DPY19L2: variants seen among roughly 807,000 people sequenced by gnomAD.
DPY19L2 encodes the protein dpy-19 like 2, also known as probable C-mannosyltransferase DPY19L2.
DPY19L2 carries 34 observed loss-of-function variants against 97.9 expected under a neutral mutation model. The observed-to-expected ratio is 0.35, with a 90% CI of 0.26 to 0.46. DPY19L2 has a LOEUF of 0.46. DPY19L2 is among the 20% of genes least tolerant of loss of function. The pLI is 1.00. For synonymous variants in DPY19L2, 230 were observed against 307.9 expected, an observed-to-expected ratio of 0.75 and a Z score of 2.65; for missense variants, 623 against 911.4, an observed-to-expected ratio of 0.68 and a Z score of 4.07.
At chr12:63,635,011 C>T (rs1891406010) in intron 6 of DPY19L2, among the ~76,000 whole-genome samples, 1 of 152,200 alleles carries the variant, frequency 6.6e-6, no homozygotes, top group Admixed American at 6.5e-5. Context: ...CTCCGAGTAG[C>T]ATAACTGGGA....
At chr12:63,648,938 C>T (rs1893804164) in intron 4 of DPY19L2, among the ~76,000 whole-genome samples, 2 of 151,904 alleles carry the variant, frequency 1.3e-5, no homozygotes, top group African/African-American at 4.8e-5. Context: ...CTCTAATGAG[C>T]ATGCTTAAAA....
chr12:63,561,701 T>A (rs1199217619), intron 21 of DPY19L2, among the ~76,000 whole-genome samples: 36 of 151,522 alleles, frequency 2.4e-4, no homozygotes, highest in Admixed American at 2.1e-3. Context: ...TTTGAGATGT[T>A]TTGAGTTTTT....
rs189892190 is a variant in DPY19L2 at position 63,640,756 on chromosome 12, C to T, written c.803+3647G>A. 4.2e-3 allele frequency among the ~76,000 whole-genome samples: 645 copies of T among 152,188 alleles called. 10 individuals are homozygous for T. Among genetic ancestry groups the T allele is most frequent in the African/African-American group, 0.015 (609 of 41,526 alleles). ...CAATTTAGAGAGACTAGCACCTCTT[C>T]GGTAGCCCTCCTAATGAAATATACT... On this transcript the variant is annotated intron_variant, in intron 6 of 21. Coordinates refer to ENST00000324472, the MANE Select transcript of DPY19L2 (RefSeq NM_173812.5).
At chr12:63,663,953 A>T (rs1896014305) in intron 2 of DPY19L2, 108 bp from the exon 3 acceptor site, 5 of 687,880 alleles carry the variant, frequency 7.3e-6, no homozygotes, top group Non-Finnish European at 9.4e-6. Context: ...TGTTATATTA[A>T]TTTTATAATT....
In DPY19L2 at chr12:63,614,021, C is replaced by T. The variant is rs1175065032; in HGVS notation, c.1218+3283G>A. Among the ~76,000 whole-genome samples the T allele has an allele frequency of 2.6e-5, 4 of 151,742 alleles. No individual in the cohort carries two copies. The East Asian group carries it at 5.8e-4, about 22-fold the overall frequency. On this transcript the variant is annotated intron_variant, in intron 11 of 21. Coordinates refer to ENST00000324472, the MANE Select transcript of DPY19L2 (RefSeq NM_173812.5). ...CCTGGCCAACATGGTGACACCCCGTCTCTACTAAAAATACAAAAATTAGCT... is the reference window on the plus strand; with the variant it reads ...CCTGGCCAACATGGTGACACCCCGTTTCTACTAAAAATACAAAAATTAGCT...
chr12:63,610,075 C>T (rs12322806), intron 11 of DPY19L2, among the ~76,000 whole-genome samples: 2,376 of 142,682 alleles, frequency 0.017, 71 homozygotes, highest in African/African-American at 0.059. Flanking sequence ...AACTGATATT[C>T]AGGATAGGTT....
At chr12:63,656,364 T>C (rs1275969955) in intron 4 of DPY19L2, among the ~76,000 whole-genome samples, 1 of 152,176 alleles carries the variant, frequency 6.6e-6, no homozygotes, top group African/African-American at 2.4e-5. Context: ...CCTAGTCTAT[T>C]CATTCTGTTA....
At chr12:63,581,878 G>C (rs574548733) in intron 18 of DPY19L2, among the ~76,000 whole-genome samples, 12 of 147,996 alleles carry the variant, frequency 8.1e-5, no homozygotes, top group Non-Finnish European at 8.9e-5. Flanking sequence ...TTGGCTGACT[G>C]TAGCCTCTGC....
chr12:63,625,343 G>C (rs1889353085), intron 7 of DPY19L2, among the ~76,000 whole-genome samples: 1 of 151,548 alleles, frequency 6.6e-6, no homozygotes, highest in African/African-American at 2.4e-5. Flanking sequence ...GTTGCAGTGA[G>C]CTGAGATCAC....
chr12:63,601,787 A>G (rs1449922048), intron 12 of DPY19L2, among the ~76,000 whole-genome samples: 1 of 152,118 alleles, frequency 6.6e-6, no homozygotes, highest in African/African-American at 2.4e-5. Context: ...AAGGAGGATA[A>G]AAAGGGGAGT....
chr12:63,580,995 G>A (rs1222716046), intron 18 of DPY19L2, among the ~76,000 whole-genome samples, 159 bp from the exon 19 acceptor site: 11 of 152,098 alleles, frequency 7.2e-5, no homozygotes, highest in African/African-American at 9.7e-5. Context: ...CTAAAGCAAC[G>A]AATATATTGG....
chr12:63,636,876 C>T (rs572920927), intron 6 of DPY19L2, among the ~76,000 whole-genome samples: 9 of 152,044 alleles, frequency 5.9e-5, no homozygotes, highest in Non-Finnish European at 1.2e-4. Context: ...GACAGATCAA[C>T]GAGACAGAAA....
At chr12:63,644,242 T>C (rs12227653) in intron 6 of DPY19L2, among the ~76,000 whole-genome samples, 161 bp downstream of exon 6, 30,115 of 151,898 alleles carry the variant, frequency 0.2, 3,350 homozygotes, top group East Asian at 0.43. Flanking sequence ...CTCCAGTTTC[T>C]GGTTACATGA....
At position 63,668,177 on chromosome 12, in the gene DPY19L2, C is replaced by T; in HGVS notation, c.217G>A (p.Val73Met). 1 of 1,613,978 alleles carries T rather than the reference C, an allele frequency of 6.2e-7. No individual in the cohort carries two copies. The highest frequency in any genetic ancestry group is 2.2e-5 in the East Asian group (1 of 44,816). ...KERKGLELEVVAKTFLLGPFQ... is the reference protein window; with the variant it reads ...KERKGLELEVMAKTFLLGPFQ... ...GGGCCGAGAAGAAAGGTCTTGGCCA[C>T]CACCTCTAGCTCCAAGCCTTTTCGC... is the stretch of plus-strand genomic sequence containing the variant. The change falls in exon 1 of 22, where the codon GTG (valine) becomes ATG (methionine). Residue 73 changes from valine to methionine, a missense_variant. Physicochemically the swap from Val to Met is conservative, Grantham distance 21. This residue lies in a region of DPY19L2 where 144 missense variants were observed against 119.4 expected (regional missense o/e 1.21). Coordinates refer to ENST00000324472, the MANE Select transcript of DPY19L2 (RefSeq NM_173812.5).
intron 16 of DPY19L2, among the ~76,000 whole-genome samples, chr12:63,585,125 G>A (rs1023599560): frequency 3.8e-4 from 58 of 152,162 alleles, no homozygotes; most frequent in African/African-American, 1.2e-3. Context: ...CTGCTGTGCA[G>A]CATGAACAGT....
chr12:63,628,552 TA>T (rs1890001318), intron 6 of DPY19L2, among the ~76,000 whole-genome samples: 1 of 151,918 alleles, frequency 6.6e-6, no homozygotes, highest in African/African-American at 2.4e-5. Flanking sequence ...CTTGAGTAGG[TA>T]AACAAAGCAG....
At chr12:63,601,029 C>G (rs1328076503) in intron 12 of DPY19L2, among the ~76,000 whole-genome samples, 2 of 152,152 alleles carry the variant, frequency 1.3e-5, no homozygotes, top group Admixed American at 1.3e-4. Flanking sequence ...TCGTGATCCA[C>G]CCGTCTCGGC....
At chr12:63,580,180 T>G (rs1036090217) in intron 19 of DPY19L2, among the ~76,000 whole-genome samples, 2 of 151,288 alleles carry the variant, frequency 1.3e-5, no homozygotes, top group Non-Finnish European at 2.9e-5. Flanking sequence ...GATTTTCTCT[T>G]CTGCCAATGA....
intron 6 of DPY19L2, among the ~76,000 whole-genome samples, chr12:63,628,294 G>A (rs1432166299): frequency 6.6e-6 from 1 of 152,176 alleles, no homozygotes; most frequent in Non-Finnish European, 1.5e-5. Flanking sequence ...AAGCGCAAGG[G>A]GTCAGGGAAT....
Sources: allele counts gnomAD v4.1 joint callset (sites outside exome capture counted in the v4.1 genomes callset), GRCh38; gene constraint gnomAD v4.1.1; regional missense constraint gnomAD v4.1.1; transcripts MANE v1.5; gene names NCBI Gene and HGNC (gene_info 2026-07-23, HGNC 2026-07-21).